The following TESC variants were observed in gnomAD, a reference collection of about 807,000 sequenced individuals.
The protein encoded by TESC is calcineurin B homologous protein 3.
In TESC, 19 loss-of-function variants were observed where a neutral mutation model predicts 31.0. The observed-to-expected ratio is 0.61, with a 90% CI of 0.43 to 0.90. The LOEUF (loss-of-function observed/expected upper bound fraction) is 0.90, where lower values mean the gene tolerates loss of function less well. TESC is among the 40% of genes least tolerant of loss of function. TESC has a pLI of 0.00. For synonymous variants in TESC, 109 were observed against 114.8 expected (o/e 0.95, Z 0.32); for missense variants, 248 against 303.8 (o/e 0.82, Z 1.36).
intron 2 of TESC, among the ~76,000 whole-genome samples, chr12:117,070,393 A>AGAAGCTGTGG (rs1954950282): frequency 6.6e-6 from 1 of 152,148 alleles, no homozygotes. Context: ...TGTTTGCATA[A>AGAAGCTGTGG]GAAGCTGTGG....
chr12:117,075,986 T>TATATA (rs57433077), intron 1 of TESC, among the ~76,000 whole-genome samples: 1 of 86,416 alleles, frequency 1.2e-5, no homozygotes, highest in African/African-American at 5.2e-5. Flanking sequence ...TATATATATA[T>TATATA]TTTTTTTTTT....
chr12:117,099,322 A>C lies in TESC; in HGVS notation c.-40T>G, dbSNP rs999273296. 7.1e-7 allele frequency: 1 copy of C among 1,411,716 alleles called. No homozygotes were observed. The highest frequency in any genetic ancestry group is 9.2e-7 in the Non-Finnish European group (1 of 1,087,838). The allele number at this position is 1,411,716 out of a possible 1,614,324, so 87.4% of individuals were successfully genotyped here. A position where few individuals can be genotyped will look rare whatever the true frequency, so the allele number is the denominator to read the frequency against. On this transcript the variant is annotated 5_prime_UTR_variant, in exon 1 of 8. Transcript: ENST00000335209. The stretch of plus-strand genomic sequence containing the variant: ...GGGCCCCGGGGCGCGCGTCCCTCTC[A>C]GGCCCCGCACTGGCTTCGGCTGCGC...
At chr12:117,045,380 A>G (rs1006597746) in intron 6 of TESC, among the ~76,000 whole-genome samples, 11 of 152,246 alleles carry the variant, frequency 7.2e-5, no homozygotes, top group East Asian at 3.8e-4. Context: ...ACTGTCGCCA[A>G]TTGAAACTGG....
At chr12:117,070,856 A>T (rs1481879567) in intron 2 of TESC, among the ~76,000 whole-genome samples, 1 of 152,200 alleles carries the variant, frequency 6.6e-6, no homozygotes, top group Non-Finnish European at 1.5e-5. Flanking sequence ...CTGTAGTCCC[A>T]GCTACTCAGG....
chr12:117,087,850 A>AAAT (rs1955240294), intron 1 of TESC, among the ~76,000 whole-genome samples: 1 of 152,188 alleles, frequency 6.6e-6, no homozygotes, highest in Non-Finnish European at 1.5e-5. Context: ...CTCAATAAAT[A>AAAT]AATAATAATA....
intron 2 of TESC, 88 bp from the exon 3 acceptor site, chr12:117,056,974 T>C: frequency 2.2e-6 from 3 of 1,371,632 alleles, no homozygotes; most frequent in African/African-American, 1.4e-5. Context: ...TCAAGCTGTA[T>C]TTTGGATCCC....
At chr12:117,087,830 G>A (rs985942680) in intron 1 of TESC, among the ~76,000 whole-genome samples, 1 of 152,186 alleles carries the variant, frequency 6.6e-6, no homozygotes, top group Admixed American at 6.5e-5. Flanking sequence ...GTGACAGAGC[G>A]AGACTCTGTC....
intron 2 of TESC, among the ~76,000 whole-genome samples, chr12:117,069,530 G>A (rs1213561938): frequency 3.3e-5 from 5 of 151,942 alleles, no homozygotes; most frequent in South Asian, 2.1e-4. Context: ...GAGCCACTGC[G>A]CCCGGCCAAC....
At chr12:117,088,292 AG>A (rs1404714999) in intron 1 of TESC, among the ~76,000 whole-genome samples, 4 of 152,188 alleles carry the variant, frequency 2.6e-5, no homozygotes, top group Admixed American at 6.5e-5. Context: ...GGTGTCTTTC[AG>A]AGCATCTAAG....
At chr12:117,053,185 G>A (rs1190204206) in intron 3 of TESC, among the ~76,000 whole-genome samples, 3 of 152,178 alleles carry the variant, frequency 2.0e-5, no homozygotes, top group East Asian at 1.9e-4. Flanking sequence ...GGAGCACCAC[G>A]CCTGTGCCAG....
At position 117,075,862 on chromosome 12, in the gene TESC, TA is replaced by T. The variant is rs1384245145; in HGVS notation, c.59-523del. Among the ~76,000 whole-genome samples the T allele has an allele frequency of 1.8e-3, 104 of 56,814 alleles. 5 individuals are homozygous for T. The highest frequency in any genetic ancestry group is 0.013 in the Admixed American group (53 of 4,106). 37.3% of individuals were successfully genotyped at this position (56,814 alleles called of 152,430 possible). On this transcript the variant is annotated intron_variant, in intron 1 of 7. Transcript: ENST00000335209. Reference sequence around the variant, plus strand: ...GTGTGTGTGTGTATATATATATATATATATATATGTGTGTATATATATATAT... The same window carrying T: ...GTGTGTGTGTGTATATATATATATATTATATATGTGTGTATATATATATAT...
chr12:117,096,597 T>C (rs970850814), intron 1 of TESC, among the ~76,000 whole-genome samples: 50 of 151,622 alleles, frequency 3.3e-4, no homozygotes, highest in Middle Eastern at 3.4e-3. Flanking sequence ...TAACAAACCA[T>C]GTACATGTGT....
chr12:117,092,550 C>T (rs1955327441), intron 1 of TESC, among the ~76,000 whole-genome samples: 2 of 152,218 alleles, frequency 1.3e-5, no homozygotes, highest in African/African-American at 4.8e-5. Context: ...TGGGGGGGTC[C>T]CATGATCTGG....
intron 2 of TESC, among the ~76,000 whole-genome samples, chr12:117,060,001 C>A (rs1954779947): frequency 6.6e-6 from 1 of 152,094 alleles, no homozygotes; most frequent in Non-Finnish European, 1.5e-5. Flanking sequence ...AGGAAACATC[C>A]AGAAAAGACA....
intron 2 of TESC, 29 bp downstream of exon 2, chr12:117,075,242 C>A: frequency 1.2e-6 from 2 of 1,611,224 alleles, no homozygotes; most frequent in South Asian, 2.2e-5. Context: ...ATGGCCCCAC[C>A]CAGCACCCAA....
chr12:117,053,486 A>ACAAGTGACAACTGACAGC (rs1188283695), intron 3 of TESC, among the ~76,000 whole-genome samples: 12 of 152,292 alleles, frequency 7.9e-5, no homozygotes, highest in Admixed American at 3.9e-4. Context: ...CCCAGTTCCT[A>ACAAGTGACAACTGACAGC]CAAGTGACAA....
chr12:117,072,362 C>T lies in TESC; in HGVS notation c.128+2909G>A, dbSNP rs923902090. On this transcript the variant is annotated intron_variant, in intron 2 of 7. Transcript: ENST00000335209. Reference sequence around the variant, plus strand: ...CCTCCCAAAGTGCTGAGATTATAGTCGTGAGTCACAGTGCCCGGCCGACTG... The same window carrying T: ...CCTCCCAAAGTGCTGAGATTATAGTTGTGAGTCACAGTGCCCGGCCGACTG... Among the ~76,000 whole-genome samples, 3 of 152,210 alleles carry T rather than the reference C, an allele frequency of 2.0e-5. No individual in the cohort carries two copies. The East Asian group carries it at 5.8e-4, about 29-fold the overall frequency.
intron 1 of TESC, among the ~76,000 whole-genome samples, chr12:117,083,249 CT>C (rs1436183886): frequency 6.6e-6 from 1 of 152,136 alleles, no homozygotes; most frequent in African/African-American, 2.4e-5. Flanking sequence ...TGGCTAATTT[CT>C]ATATTTTTAG....
intron 1 of TESC, among the ~76,000 whole-genome samples, chr12:117,095,605 T>C (rs1955382696): frequency 1.3e-5 from 2 of 152,264 alleles, no homozygotes; most frequent in South Asian, 4.1e-4. Context: ...GGGCCAGGCA[T>C]GGTGGCTCAT....
Sources: gnomAD v4.1 joint callset for allele counts (sites outside exome capture counted in the v4.1 genomes callset) on GRCh38, gnomAD v4.1.1 for gene constraint, MANE v1.5 for transcripts, NCBI Gene and HGNC (gene_info 2026-07-23, HGNC 2026-07-21) for gene names.